PGAP1: variants seen among roughly 807,000 people sequenced by gnomAD.
PGAP1 encodes GPI inositol-deacylase.
In PGAP1, 76 loss-of-function variants were observed where a neutral mutation model predicts 127.0. That is an observed-to-expected ratio of 0.60 (90% CI 0.50 to 0.72). The LOEUF is 0.72. Among genes scored for constraint, PGAP1 ranks in the 30% least tolerant of loss-of-function variants. The pLI, the probability that PGAP1 is intolerant of heterozygous loss-of-function variation, is 0.00. For synonymous variants in PGAP1, 362 were observed against 366.5 expected (o/e 0.99, Z 0.14); for missense variants, 982 against 1,071.3 (o/e 0.92, Z 1.16).
At chr2:196,853,203 TGAG>T (rs1053889901) in intron 20 of PGAP1, among the ~76,000 whole-genome samples, 1 of 152,240 alleles carries the variant, frequency 6.6e-6, no homozygotes, top group African/African-American at 2.4e-5. Flanking sequence ...TCTCTCCCTT[TGAG>T]AAGGCCTCAG....
In PGAP1 at chr2:196,838,733, C is replaced by T. The variant is rs552190149; in HGVS notation, c.*2501G>A. 1 of 152,172 alleles carries T rather than the reference C, an allele frequency of 6.6e-6. No homozygotes were observed. The highest frequency in any genetic ancestry group is 1.9e-4 in the East Asian group (1 of 5,178). 9.4% of individuals were successfully genotyped at this position (152,172 alleles called of 1,614,324 possible). A position where few individuals can be genotyped will look rare whatever the true frequency, so the allele number is the denominator to read the frequency against. ...AATATTTGAGTGAGAATTAGTGTAC[C>T]TAGTCTGCTGCTTTAAAAAGTAAAT... On this transcript the variant is annotated 3_prime_UTR_variant, in exon 27 of 27. Transcript: ENST00000354764.
Position 196,840,204 on chromosome 2 carries a change from T to G in PGAP1, c.*1030A>C, listed in dbSNP as rs1299922773. 2 of 152,238 alleles carry G rather than the reference T, an allele frequency of 1.3e-5. No individual in the cohort carries two copies. Among genetic ancestry groups the G allele is most frequent in the East Asian group, 3.8e-4 (2 of 5,204 alleles). The allele number at this position is 152,238 out of a possible 1,614,324, so 9.4% of individuals were successfully genotyped here. ...ATTTATTCAGGTGTACTGTTTATAC[T>G]CATGCTACTAATGGGTTAACAGTTG... On this transcript the variant is annotated 3_prime_UTR_variant, in exon 27 of 27. Transcript: ENST00000354764.
Position 196,844,525 on chromosome 2 carries a change from AC to A in PGAP1, c.2335del (p.Val779Ter). Reference sequence around the variant, plus strand: ...TAGAGTTTTGAAAATAAAACTTACCACAGGCTGGCTATTCTTAAAAGTTGTT... The same window carrying A: ...TAGAGTTTTGAAAATAAAACTTACCAAGGCTGGCTATTCTTAAAAGTTGTT... ...SLTTFKNSQP[V>X]NPKHSRRSEK... On this transcript the variant is annotated frameshift_variant and splice_region_variant, in exon 24 of 27. Transcript: ENST00000354764. LOFTEE classifies it high-confidence loss of function. 6.3e-7 allele frequency: 1 copy of A among 1,593,132 alleles called. No individual in the cohort carries two copies. Among genetic ancestry groups the A allele is most frequent in the Non-Finnish European group, 8.5e-7 (1 of 1,171,060 alleles).
At chr2:196,858,582 A>G (rs975027708) in intron 20 of PGAP1, among the ~76,000 whole-genome samples, 2 of 152,180 alleles carry the variant, frequency 1.3e-5, no homozygotes, top group Non-Finnish European at 2.9e-5. Flanking sequence ...AAAAGTAGAA[A>G]GACTTCAAAT....
At chr2:196,857,209 A>G (rs1016540527) in intron 20 of PGAP1, among the ~76,000 whole-genome samples, 6 of 152,272 alleles carry the variant, frequency 3.9e-5, no homozygotes, top group African/African-American at 7.2e-5. Context: ...TTCAGGATAT[A>G]AAATCAATGT....
In PGAP1 at chr2:196,834,390, T is replaced by G. The variant is rs977558998; in HGVS notation, c.*6844A>C. ...CTCGAAGACAAGGATTTGGGGCCAA[T>G]TTGAGAGGACCACCCATAATAAAAT... is the stretch of plus-strand genomic sequence containing the variant. On this transcript the variant is annotated 3_prime_UTR_variant, in exon 27 of 27. Transcript: ENST00000354764. 1 of 152,450 alleles carries G rather than the reference T, an allele frequency of 6.6e-6. No individual in the cohort carries two copies. The highest frequency in any genetic ancestry group is 1.5e-5 in the Non-Finnish European group (1 of 67,892). The allele number at this position is 152,450 out of a possible 1,614,324, so 9.4% of individuals were successfully genotyped here.
chr2:196,887,826 T>C (rs1701967540), intron 10 of PGAP1, among the ~76,000 whole-genome samples: 1 of 152,206 alleles, frequency 6.6e-6, no homozygotes, highest in Admixed American at 6.5e-5. Flanking sequence ...CCTGTATCAG[T>C]TACCTGTACT....
intron 18 of PGAP1, among the ~76,000 whole-genome samples, chr2:196,872,214 T>G (rs1422915578): frequency 6.6e-6 from 1 of 152,216 alleles, no homozygotes; most frequent in Non-Finnish European, 1.5e-5. Context: ...ATTTTTTTGC[T>G]TTATCTTCTA....
At chr2:196,847,458 C>CTTTTT in intron 21 of PGAP1, 1 of 135,896 alleles carries the variant, frequency 7.4e-6, no homozygotes, top group South Asian at 2.3e-4. Flanking sequence ...GTAATATGTT[C>CTTTTT]TTTTTTTTTT....
chr2:196,861,553 T>C (rs1318271526), intron 20 of PGAP1, among the ~76,000 whole-genome samples: 1 of 152,050 alleles, frequency 6.6e-6, no homozygotes, highest in African/African-American at 2.4e-5. Context: ...TACCAATGGA[T>C]GGTCAGATGT....
chr2:196,873,468 C>T (rs1701467425), intron 16 of PGAP1, 60 bp downstream of exon 16: 6 of 1,243,292 alleles, frequency 4.8e-6, no homozygotes, highest in Non-Finnish European at 6.9e-6. Flanking sequence ...TGAGTTAACA[C>T]CTATTGAGTC....
intron 20 of PGAP1, among the ~76,000 whole-genome samples, chr2:196,862,196 C>T (rs566650532): frequency 7.2e-5 from 11 of 152,092 alleles, no homozygotes; most frequent in East Asian, 1.9e-4. Flanking sequence ...AGAGAATACG[C>T]GCCTGAGGGT....
At chr2:196,847,814 A>G (rs1559330738) in intron 21 of PGAP1, 133 bp downstream of exon 21, 1 of 516,372 alleles carries the variant, frequency 1.9e-6, no homozygotes, top group South Asian at 3.2e-5. Context: ...TGCCTAAGAG[A>G]AAAAAAAAAC....
chr2:196,894,397 T>C (rs1702203673), intron 7 of PGAP1, among the ~76,000 whole-genome samples: 1 of 152,230 alleles, frequency 6.6e-6, no homozygotes, highest in Non-Finnish European at 1.5e-5. Context: ...GGAACTTTTA[T>C]ACTAATTGAT....
chr2:196,841,407 T>C (rs1460311855), intron 26 of PGAP1, 35 bp from the exon 27 acceptor site: 8 of 1,544,276 alleles, frequency 5.2e-6, no homozygotes, highest in Non-Finnish European at 7.1e-6. Context: ...ATTACTTATG[T>C]GAACTACATT....
chr2:196,847,038 C>T lies in PGAP1; in HGVS notation c.2115G>A (p.Val705=), dbSNP rs777737461. 1 of 1,613,538 alleles carries T rather than the reference C, an allele frequency of 6.2e-7. No homozygotes were observed. The highest frequency in any genetic ancestry group is 1.7e-5 in the Admixed American group (1 of 59,992). ...YWSGLLSSAS[V]RLLSSLWLAL... ...CTAGCCACAATGAAGAAAGAAGTCT[C>T]ACAGATGCAGAAGACAGTAGGCCAC... Residue 705 remains valine, a synonymous_variant, in exon 22 of 27, where the codon GTG becomes GTA. Coordinates refer to ENST00000354764, the MANE Select transcript of PGAP1 (RefSeq NM_024989.4).
At position 196,841,118 on chromosome 2, in the gene PGAP1, A is replaced by C. The variant is rs1003137608; in HGVS notation, c.*116T>G. On this transcript the variant is annotated 3_prime_UTR_variant, in exon 27 of 27. Transcript: ENST00000354764. The stretch of plus-strand genomic sequence containing the variant: ...CTAATTTCCTATTTTCAATATTGTA[A>C]AAATAGACTTGTCTTCTCCAAAGGA... The C allele has an allele frequency of 8.9e-7, 1 of 1,121,420 alleles. No individual in the cohort carries two copies. The highest frequency in any genetic ancestry group is 1.6e-5 in the African/African-American group (1 of 63,382). 69.5% of individuals were successfully genotyped at this position (1,121,420 alleles called of 1,614,324 possible).
At chr2:196,871,939 C>G (rs1350294568) in intron 18 of PGAP1, among the ~76,000 whole-genome samples, 1 of 152,030 alleles carries the variant, frequency 6.6e-6, no homozygotes, top group African/African-American at 2.4e-5. Context: ...CAAGTCTATC[C>G]CCCTTAACAC....
chr2:196,842,623 A>C, intron 26 of PGAP1, 98 bp downstream of exon 26: 1 of 479,500 alleles, frequency 2.1e-6, no homozygotes, highest in African/African-American at 2.0e-5. Flanking sequence ...ACTTTTAGGA[A>C]TATTTAAATT....
Sources: allele counts gnomAD v4.1 joint callset (sites outside exome capture counted in the v4.1 genomes callset), GRCh38; gene constraint gnomAD v4.1.1; transcripts MANE v1.5; gene names NCBI Gene and HGNC (gene_info 2026-07-23, HGNC 2026-07-21).